The following ATMIN variants were observed in gnomAD, a reference collection of about 807,000 sequenced individuals.
ATMIN encodes ATM interactor.
A neutral mutation model predicts 49.2 loss-of-function variants in ATMIN; 24 were observed. That is an observed-to-expected ratio of 0.49 (90% CI 0.35 to 0.69). The LOEUF is 0.69. Ranked by LOEUF, ATMIN falls within the 30% of genes least tolerant of loss-of-function variation. ATMIN has a pLI of 0.00. For missense variants in ATMIN, 1,037 were observed against 1,005.5 expected (o/e 1.03, Z -0.42); for synonymous variants, 450 against 392.5 (o/e 1.15, Z -1.73).
rs1468847950 is a variant in ATMIN, at chr16:81,043,659, C to G, written c.1161C>G (p.Asn387Lys). The part of the protein sequence containing the change: ...GEPISTGVQV[N>K]FGKSPSNPLQ... Reference sequence around the variant, plus strand: ...CAATAAGTACTGGTGTTCAAGTGAACTTTGGTAAAAGTCCATCTAATCCTT... The same window carrying G: ...CAATAAGTACTGGTGTTCAAGTGAAGTTTGGTAAAAGTCCATCTAATCCTT... Residue 387 changes from asparagine (N) to lysine (K), a missense_variant, in exon 4 of 4, where the codon AAC (asparagine) becomes AAG (lysine). Asn to Lys is a moderately conservative substitution (Grantham distance 94, BLOSUM62 0). Transcript: ENST00000299575. The G allele has an allele frequency of 5.0e-6, 8 of 1,614,088 alleles. No homozygotes were observed. The highest frequency in any genetic ancestry group is 6.8e-6 in the Non-Finnish European group (8 of 1,180,042).
chr16:81,040,242 T>C (rs535035217), intron 1 of ATMIN, among the ~76,000 whole-genome samples: 2 of 152,242 alleles, frequency 1.3e-5, no homozygotes, highest in Admixed American at 6.5e-5. Flanking sequence ...ATCGTGCCAT[T>C]GCCATTTCTC....
chr16:81,039,027 C>T (rs1970994852), intron 1 of ATMIN, among the ~76,000 whole-genome samples: 3 of 152,148 alleles, frequency 2.0e-5, no homozygotes, highest in Admixed American at 2.0e-4. Flanking sequence ...AACTCCTGAC[C>T]TCAAGTGATC....
chr16:81,041,585 G>T, intron 2 of ATMIN, 104 bp downstream of exon 2: 1 of 1,429,166 alleles, frequency 7.0e-7, no homozygotes, highest in African/African-American at 1.4e-5. Context: ...CTGCTTGTGA[G>T]GGGAGATGCC....
At chr16:81,036,401 G>A (rs1020493616) in intron 1 of ATMIN, among the ~76,000 whole-genome samples, 195 bp downstream of exon 1, 13 of 151,938 alleles carry the variant, frequency 8.6e-5, no homozygotes, top group Middle Eastern at 3.4e-3. Context: ...TGCGGCCTCT[G>A]GGGGGGAGGA....
intron 1 of ATMIN, among the ~76,000 whole-genome samples, chr16:81,036,609 C>T (rs1970939639): frequency 6.6e-6 from 1 of 152,218 alleles, no homozygotes; most frequent in Non-Finnish European, 1.5e-5. Context: ...TGATGCGGGG[C>T]TTTAAACCGG....
intron 2 of ATMIN, among the ~76,000 whole-genome samples, chr16:81,042,039 G>A (rs1175722726): frequency 6.6e-6 from 1 of 152,152 alleles, no homozygotes; most frequent in Admixed American, 6.5e-5. Context: ...TGTAAATGCT[G>A]GAGACCATAG....
At position 81,044,478 on chromosome 16, in the gene ATMIN, C is replaced by T. The variant is rs1567565662; in HGVS notation, c.1980C>T (p.Thr660=). ...AAGAGAGTGAACTTAGCACCATGAC[C>T]ACCGAGCCAGTCTTGGAGTCACTGG... ...QTEESELSTM[T]TEPVLESLDI... Residue 660 remains threonine (T), a synonymous_variant, in exon 4 of 4, where the codon ACC becomes ACT. Coordinates refer to ENST00000299575, the MANE Select transcript of ATMIN (RefSeq NM_015251.3). 1 of 1,614,148 alleles carries T rather than the reference C, an allele frequency of 6.2e-7. No homozygotes were observed. Among genetic ancestry groups the T allele is most frequent in the Non-Finnish European group, 8.5e-7 (1 of 1,180,030 alleles).
Position 81,043,618 on chromosome 16 carries a change from C to A in ATMIN, c.1120C>A (p.Pro374Thr). 2 of 1,614,208 alleles carry A rather than the reference C, an allele frequency of 1.2e-6. No homozygotes were observed. Among genetic ancestry groups the A allele is most frequent in the Non-Finnish European group, 8.5e-7 (1 of 1,180,040 alleles). ...ESLPLFKIAN[P>T]IAGEPISTGV... ...CCTACCTCTTTTCAAAATTGCTAAT[C>A]CTATTGCTGGTGAGCCAATAAGTAC... The change falls in exon 4 of 4, where the codon CCT becomes ACT. Residue 374 changes from proline (P) to threonine (T), a missense_variant. Coordinates refer to ENST00000299575, the MANE Select transcript of ATMIN (RefSeq NM_015251.3).
Position 81,047,193 on chromosome 16 carries a change from T to C in ATMIN, c.*2223T>C, listed in dbSNP as rs1158885032. ...CCCTCAAAACCTGAACCTGAATTATTTGTAAAAACTGAAATTTAATGATTA... is the reference window on the plus strand; with the variant it reads ...CCCTCAAAACCTGAACCTGAATTATCTGTAAAAACTGAAATTTAATGATTA... On this transcript the variant is annotated 3_prime_UTR_variant, in exon 4 of 4. Coordinates refer to ENST00000299575, the MANE Select transcript of ATMIN (RefSeq NM_015251.3). The C allele has an allele frequency of 6.6e-6, 1 of 152,468 alleles. No individual in the cohort carries two copies. The highest frequency in any genetic ancestry group is 1.5e-5 in the Non-Finnish European group (1 of 68,036). The allele number at this position is 152,468 out of a possible 1,614,324, so 9.4% of individuals were successfully genotyped here. A position where few individuals can be genotyped will look rare whatever the true frequency, so the allele number is the denominator to read the frequency against.
rs185078414 is a variant in ATMIN, at chr16:81,037,478, A to G, written c.336+1272A>G. On this transcript the variant is annotated intron_variant, in intron 1 of 3. Transcript: ENST00000299575. ...GCCAGTCAGGAAATGTACCTGAGGTATGCTGAGGAAGACCGTGCAGGTGGG... is the reference window on the plus strand; with the variant it reads ...GCCAGTCAGGAAATGTACCTGAGGTGTGCTGAGGAAGACCGTGCAGGTGGG... The G allele has an allele frequency of 3.3e-4, 321 of 985,476 alleles. 1 individual carries two copies. The African/African-American group carries it at 5.1e-3, about 16-fold the overall frequency. 61.0% of individuals were successfully genotyped at this position (985,476 alleles called of 1,614,324 possible). A position where few individuals can be genotyped will look rare whatever the true frequency, so the allele number is the denominator to read the frequency against.
intron 1 of ATMIN, among the ~76,000 whole-genome samples, chr16:81,039,312 C>A (rs751885669): frequency 6.6e-6 from 1 of 152,198 alleles, no homozygotes; most frequent in Non-Finnish European, 1.5e-5. Context: ...TGCATAATTT[C>A]TTTCATTGTT....
chr16:81,040,627 C>T (rs1037374599), intron 1 of ATMIN: 4 of 152,308 alleles, frequency 2.6e-5, no homozygotes, highest in Non-Finnish European at 5.9e-5. Flanking sequence ...AAGGCGTTCT[C>T]TTCGGTGTAA....
Position 81,037,551 on chromosome 16 carries a change from T to G in ATMIN, c.336+1345T>G, listed in dbSNP as rs1015696977. The stretch of plus-strand genomic sequence containing the variant: ...CTCTGGGTTTCTTTCAGCACTCAAG[T>G]GTAACTCTGGGAATGGCTTTCAACC... On this transcript the variant is annotated intron_variant, in intron 1 of 3. Transcript: ENST00000299575. 63 of 944,780 alleles carry G rather than the reference T, an allele frequency of 6.7e-5. 1 individual carries two copies. The highest frequency in any genetic ancestry group is 7.9e-5 in the Non-Finnish European group (63 of 793,148). The allele number at this position is 944,780 out of a possible 1,614,324, so 58.5% of individuals were successfully genotyped here. A position where few individuals can be genotyped will look rare whatever the true frequency, so the allele number is the denominator to read the frequency against.
intron 1 of ATMIN, among the ~76,000 whole-genome samples, chr16:81,038,608 C>A (rs116170101): frequency 4.8e-4 from 73 of 152,260 alleles, no homozygotes; most frequent in African/African-American, 1.6e-3. Context: ...ATGCAATAGC[C>A]ATCTATATGA....
Position 81,044,250 on chromosome 16 carries a change from G to A in ATMIN, c.1752G>A (p.Gln584=). Residue 584 remains glutamine (Q), a synonymous_variant, in exon 4 of 4, where the codon CAG becomes CAA. Transcript: ENST00000299575. ...CTTCACAGAACATGACAGATAATCA[G>A]ACCCAAACCATAGATTTATTAAGTG... is the stretch of plus-strand genomic sequence containing the variant. ...MLPSQNMTDN[Q]TQTIDLLSDL... 4 of 1,614,068 alleles carry A rather than the reference G, an allele frequency of 2.5e-6. No homozygotes were observed. The highest frequency in any genetic ancestry group is 3.4e-6 in the Non-Finnish European group (4 of 1,180,014).
rs766225426 is a variant in ATMIN at position 81,041,492 on chromosome 16, C to T, written c.462+11C>T. The T allele has an allele frequency of 1.8e-5, 28 of 1,595,578 alleles. No homozygotes were observed. The highest frequency in any genetic ancestry group is 2.2e-5 in the Non-Finnish European group (26 of 1,175,534). On this transcript the variant is annotated intron_variant, in intron 2 of 3. Transcript: ENST00000299575. ...TCTCTCGTAAAACAGGTACTCTCTACTCTGAGGATGAGATACAGATGCTAA... is the reference window on the plus strand; with the variant it reads ...TCTCTCGTAAAACAGGTACTCTCTATTCTGAGGATGAGATACAGATGCTAA...
chr16:81,039,430 C>T (rs1238800117), intron 1 of ATMIN, among the ~76,000 whole-genome samples: 1 of 152,164 alleles, frequency 6.6e-6, no homozygotes, highest in Non-Finnish European at 1.5e-5. Flanking sequence ...CCAAATCTTC[C>T]CTTCTTAACA....
In ATMIN at chr16:81,043,228, A is replaced by T. The variant is rs202163506; in HGVS notation, c.730A>T (p.Ile244Phe). The T allele has an allele frequency of 6.2e-7, 1 of 1,614,028 alleles. No homozygotes were observed. Among genetic ancestry groups the T allele is most frequent in the African/African-American group, 1.3e-5 (1 of 74,924 alleles). ...AAACCAGAAGTTATCCAACAAGACC[A>T]TTGAATCATTGAACAACCAACCAAT... ...AQNQKLSNKT[I>F]ESLNNQPIPR... is the part of the protein sequence containing the mutation. Residue 244 changes from isoleucine to phenylalanine, a missense_variant, in exon 4 of 4, where the codon ATT becomes TTT. Physicochemically the swap from Ile to Phe is conservative, Grantham distance 21. Transcript: ENST00000299575.
At chr16:81,038,074 A>G (rs35674322) in intron 1 of ATMIN, among the ~76,000 whole-genome samples, 3,155 of 152,252 alleles carry the variant, frequency 0.021, 63 homozygotes, top group East Asian at 0.056. Context: ...ACATAAAGAT[A>G]CCATTTGCCT....
Sources: gnomAD v4.1 joint callset for allele counts (sites outside exome capture counted in the v4.1 genomes callset) on GRCh38, gnomAD v4.1.1 for gene constraint, MANE v1.5 for transcripts, NCBI Gene and HGNC (gene_info 2026-07-23, HGNC 2026-07-21) for gene names.